TTC7B: variants seen among roughly 807,000 people sequenced by gnomAD.
TTC7B encodes tetratricopeptide repeat domain 7B, also known as tetratricopeptide repeat protein 7B.
TTC7B carries 28 observed loss-of-function variants against 106.8 expected under a neutral mutation model. The observed-to-expected ratio is 0.26, with a 90% CI of 0.19 to 0.36. The LOEUF is 0.36. Among genes scored for constraint, TTC7B ranks in the 10% least tolerant of loss-of-function variants. The probability of loss-of-function intolerance (pLI) is 1.00; values close to 1 mark genes in which losing one functional copy is unlikely to be tolerated. For missense variants in TTC7B, 862 were observed against 1,076.4 expected, an observed-to-expected ratio of 0.80 and a Z score of 2.79; for synonymous variants, 405 against 430.6, an observed-to-expected ratio of 0.94 and a Z score of 0.74.
chr14:90,784,504 C>T (rs558055099), intron 2 of TTC7B, among the ~76,000 whole-genome samples: 1 of 151,710 alleles, frequency 6.6e-6, no homozygotes, highest in South Asian at 2.1e-4. Flanking sequence ...TTGCAGTGAG[C>T]GAAGATCACG....
chr14:90,555,148 C>A (rs1890248603), intron 19 of TTC7B, among the ~76,000 whole-genome samples: 1 of 152,214 alleles, frequency 6.6e-6, no homozygotes, highest in South Asian at 2.1e-4. Context: ...GAGAGGGTAG[C>A]AGGCATTTAG....
chr14:90,736,801 A>C (rs1889548675), intron 4 of TTC7B, among the ~76,000 whole-genome samples: 1 of 149,064 alleles, frequency 6.7e-6, no homozygotes, highest in Non-Finnish European at 1.5e-5. Flanking sequence ...GAGGGACAGG[A>C]GGATCTCTTG....
rs546586272 is a variant in TTC7B at position 90,530,872 on chromosome 14, C to T, written c.*10496G>A. On this transcript the variant is annotated 3_prime_UTR_variant, in exon 20 of 20. Coordinates refer to ENST00000328459, the MANE Select transcript of TTC7B (RefSeq NM_001010854.2). ...TTTATTGGGTGCAGTGTATACTGCT[C>T]GGGTGATGGGTGCACCAAAATCTCA... 8 of 152,162 alleles carry T rather than the reference C, an allele frequency of 5.3e-5. No individual in the cohort carries two copies. In the East Asian group the frequency reaches 5.8e-4, roughly 11 times the overall value. 9.4% of individuals were successfully genotyped at this position (152,162 alleles called of 1,614,324 possible).
At chr14:90,681,877 T>C (rs1411576275) in intron 7 of TTC7B, among the ~76,000 whole-genome samples, 1 of 45,692 alleles carries the variant, frequency 2.2e-5, no homozygotes, top group Non-Finnish European at 4.7e-5. Flanking sequence ...TTGTTGTTGT[T>C]GTTGTGTGTG....
chr14:90,614,979 G>T (rs924230967), intron 16 of TTC7B, among the ~76,000 whole-genome samples: 1 of 152,196 alleles, frequency 6.6e-6, no homozygotes, highest in Admixed American at 6.5e-5. Context: ...CAAAGCATGA[G>T]ACAGATTTCT....
At chr14:90,718,039 A>G (rs370335215) in intron 5 of TTC7B, among the ~76,000 whole-genome samples, 2 of 152,154 alleles carry the variant, frequency 1.3e-5, no homozygotes, top group East Asian at 1.9e-4. Flanking sequence ...GTGTTATTTC[A>G]ATGGTCTGCC....
At position 90,540,156 on chromosome 14, in the gene TTC7B, G is replaced by C. The variant is rs1889524527; in HGVS notation, c.*1212C>G. ...CAAATTATAAGTGAGGAGATGGCCG[G>C]GCATGGTGGCTCACACCAGCACTTT... is the stretch of plus-strand genomic sequence containing the variant. On this transcript the variant is annotated 3_prime_UTR_variant, in exon 20 of 20. Transcript: ENST00000328459. The C allele has an allele frequency of 2.0e-5, 3 of 152,232 alleles. No homozygotes were observed. Among genetic ancestry groups the C allele is most frequent in the African/African-American group, 7.2e-5 (3 of 41,438 alleles). The allele number at this position is 152,232 out of a possible 1,614,324, so 9.4% of individuals were successfully genotyped here. A position where few individuals can be genotyped will look rare whatever the true frequency, so the allele number is the denominator to read the frequency against.
chr14:90,647,104 T>C (rs1885491375), intron 13 of TTC7B, 81 bp from the exon 14 acceptor site: 8 of 1,235,586 alleles, frequency 6.5e-6, no homozygotes, highest in African/African-American at 1.5e-5. Context: ...TTCTCCACAT[T>C]TGCATTCTTA....
intron 9 of TTC7B, among the ~76,000 whole-genome samples, chr14:90,668,104 A>C (rs569899135): frequency 7.7e-5 from 10 of 130,478 alleles, no homozygotes; most frequent in African/African-American, 2.6e-4. Flanking sequence ...CTCAAAATAG[A>C]TAATAAGACC....
chr14:90,639,710 G>A (rs1371884198), intron 15 of TTC7B, among the ~76,000 whole-genome samples: 1 of 152,190 alleles, frequency 6.6e-6, no homozygotes, highest in Non-Finnish European at 1.5e-5. Flanking sequence ...TGCACCAGGA[G>A]CCCTGTAAAG....
chr14:90,725,272 C>T (rs770063896), intron 5 of TTC7B, among the ~76,000 whole-genome samples: 2 of 152,212 alleles, frequency 1.3e-5, no homozygotes, highest in Non-Finnish European at 2.9e-5. Flanking sequence ...GCAAAGCATG[C>T]TCACGTCCTG....
chr14:90,638,892 A>T (rs1885053594), intron 15 of TTC7B, among the ~76,000 whole-genome samples: 1 of 152,246 alleles, frequency 6.6e-6, no homozygotes, highest in East Asian at 1.9e-4. Flanking sequence ...ACAAAACAGG[A>T]AACTTAGAAA....
chr14:90,525,372 G>C lies in TTC7B; in HGVS notation c.*15996C>G, dbSNP rs1366887125. On this transcript the variant is annotated 3_prime_UTR_variant, in exon 20 of 20. Transcript: ENST00000328459. ...GTTTTTGGCTATTACAAATAAAGCTGCTATAAACATTTGCGGAGAAGTCTT... is the reference window on the plus strand; with the variant it reads ...GTTTTTGGCTATTACAAATAAAGCTCCTATAAACATTTGCGGAGAAGTCTT... 1 of 152,246 alleles carries C rather than the reference G, an allele frequency of 6.6e-6. No individual in the cohort carries two copies. Among genetic ancestry groups the C allele is most frequent in the African/African-American group, 2.4e-5 (1 of 41,464 alleles). 9.4% of individuals were successfully genotyped at this position (152,246 alleles called of 1,614,324 possible).
chr14:90,814,004 G>A (rs1345025666), intron 1 of TTC7B, among the ~76,000 whole-genome samples: 2 of 152,166 alleles, frequency 1.3e-5, no homozygotes, highest in African/African-American at 4.8e-5. Flanking sequence ...ATTTTCCTGA[G>A]CACTCACTCT....
At chr14:90,791,987 AC>A (rs1335945583) in intron 1 of TTC7B, among the ~76,000 whole-genome samples, 1 of 152,166 alleles carries the variant, frequency 6.6e-6, no homozygotes, top group Non-Finnish European at 1.5e-5. Context: ...CTATCTGGAA[AC>A]ACCCCATCAA....
rs1889425904 is a variant in TTC7B at position 90,536,673 on chromosome 14, A to T, written c.*4695T>A. ...TCTTCACAGTCCAGTGCCTCTCGCC[A>T]CTTCCTCCACGCCCCTTGGTCTAAG... On this transcript the variant is annotated 3_prime_UTR_variant, in exon 20 of 20. Transcript: ENST00000328459. 6.6e-6 allele frequency: 1 copy of T among 152,174 alleles called. No individual in the cohort carries two copies. The highest frequency in any genetic ancestry group is 1.5e-5 in the Non-Finnish European group (1 of 68,086). The allele number at this position is 152,174 out of a possible 1,614,324, so 9.4% of individuals were successfully genotyped here.
chr14:90,573,261 C>T (rs61986999), intron 19 of TTC7B, among the ~76,000 whole-genome samples: 11,381 of 152,274 alleles, frequency 0.075, 558 homozygotes, highest in South Asian at 0.11. Flanking sequence ...TGCAGGTGGA[C>T]GCAGCAGTTC....
chr14:90,606,195 A>C (rs1028460108), intron 17 of TTC7B, among the ~76,000 whole-genome samples: 3 of 152,178 alleles, frequency 2.0e-5, no homozygotes, highest in African/African-American at 7.2e-5. Context: ...CAAGGTGCAG[A>C]GTACTGAGGT....
intron 5 of TTC7B, among the ~76,000 whole-genome samples, chr14:90,716,576 A>G (rs1429819347): frequency 1.3e-5 from 2 of 152,188 alleles, no homozygotes; most frequent in Non-Finnish European, 2.9e-5. Context: ...GGAATTGAGT[A>G]GGCAACAGTT....
Sources: allele counts gnomAD v4.1 joint callset (sites outside exome capture counted in the v4.1 genomes callset), GRCh38; gene constraint gnomAD v4.1.1; transcripts MANE v1.5; gene names NCBI Gene and HGNC (gene_info 2026-07-23, HGNC 2026-07-21).